EML6: variants seen among roughly 807,000 people sequenced by gnomAD.
The protein encoded by EML6 is EMAP like 6, also known as echinoderm microtubule-associated protein-like 6.
EML6 carries 154 observed loss-of-function variants against 240.1 expected under a neutral mutation model. The observed-to-expected ratio is 0.64, with a 90% CI of 0.56 to 0.73. The LOEUF is 0.73. EML6 is among the 30% of genes least tolerant of loss of function. EML6 has a pLI of 0.00. For missense variants in EML6, 2,964 were observed against 2,474.6 expected, an observed-to-expected ratio of 1.20 and a Z score of -4.20; for synonymous variants, 1,148 against 899.0, an observed-to-expected ratio of 1.28 and a Z score of -4.95.
Position 54,903,135 on chromosome 2 carries a change from T to G in EML6, c.3216T>G (p.Val1072=). ...TCCTGGTGGTAAATGCTGACACTGT[T>G]GAAGACATGGTCTCTTTCCATCACA... The part of the protein sequence containing the change: ...GSFLVVNADT[V]EDMVSFHHRK... Residue 1072 remains valine (V), a synonymous_variant, in exon 23 of 42, where the codon GTT becomes GTG. Transcript: ENST00000356458. 3 of 1,551,866 alleles carry G rather than the reference T, an allele frequency of 1.9e-6. No homozygotes were observed. The highest frequency in any genetic ancestry group is 2.6e-6 in the Non-Finnish European group (3 of 1,146,914).
At chr2:54,948,760 G>A in intron 28 of EML6, 122 bp from the exon 29 acceptor site, 2 of 709,796 alleles carry the variant, frequency 2.8e-6, no homozygotes, top group Non-Finnish European at 4.9e-6. Context: ...AGATCCAAGT[G>A]GAGGGGCCTT....
At chr2:54,846,921 G>GTGTTTTTTTTTTTTTT (rs1558606488) in intron 8 of EML6, among the ~76,000 whole-genome samples, 1 of 81,198 alleles carries the variant, frequency 1.2e-5, no homozygotes, top group Admixed American at 1.7e-4. Context: ...GTATGAAGTA[G>GTGTTTTTTTTTTTTTT]TATTTTTTTT....
chr2:54,853,612 T>C (rs1670211632), intron 10 of EML6, 31 bp from the exon 11 acceptor site: 1 of 1,287,332 alleles, frequency 7.8e-7, no homozygotes, highest in Non-Finnish European at 1.0e-6. Flanking sequence ...ACTTTTTATT[T>C]AAATGTAATG....
chr2:54,949,868 T>C (rs1272358458), intron 29 of EML6, among the ~76,000 whole-genome samples: 1 of 152,216 alleles, frequency 6.6e-6, no homozygotes, highest in Non-Finnish European at 1.5e-5. Context: ...TTCCTTCTGC[T>C]TAGAAGGCTC....
chr2:54,802,744 C>G (rs1049136779), intron 2 of EML6, among the ~76,000 whole-genome samples: 76 of 152,146 alleles, frequency 5.0e-4, no homozygotes, highest in Non-Finnish European at 2.1e-4. Flanking sequence ...CTTATGGCTA[C>G]TATTTGAGTG....
In EML6 at chr2:54,787,944, G is replaced by A. The variant is rs535788792; in HGVS notation, c.198-25288G>A. Reference sequence around the variant, plus strand: ...TAGTTGAAACTTCCCTCACCTGTGCGGTGGTTTCTGCTGTAGCCTGCCTGT... The same window carrying A: ...TAGTTGAAACTTCCCTCACCTGTGCAGTGGTTTCTGCTGTAGCCTGCCTGT... On this transcript the variant is annotated intron_variant, in intron 2 of 41. Coordinates refer to ENST00000356458, the MANE Select transcript of EML6 (RefSeq NM_001039753.4). Among the ~76,000 whole-genome samples, 7 of 152,140 alleles carry A rather than the reference G, an allele frequency of 4.6e-5. No homozygotes were observed. The South Asian group carries it at 6.2e-4, about 14-fold the overall frequency.
At chr2:54,931,249 G>A (rs1393156441) in intron 28 of EML6, among the ~76,000 whole-genome samples, 2 of 152,278 alleles carry the variant, frequency 1.3e-5, no homozygotes, top group African/African-American at 2.4e-5. Flanking sequence ...GAGCCACCGC[G>A]CCCGGCGACC....
At chr2:54,759,833 A>G (rs1667899758) in intron 2 of EML6, among the ~76,000 whole-genome samples, 1 of 151,606 alleles carries the variant, frequency 6.6e-6, no homozygotes, top group Admixed American at 6.6e-5. Context: ...GGACAAAATT[A>G]GATGTAATTA....
intron 2 of EML6, among the ~76,000 whole-genome samples, chr2:54,743,076 T>A (rs1683725863): frequency 6.6e-6 from 1 of 152,242 alleles, no homozygotes; most frequent in African/African-American, 2.4e-5. Context: ...TAAGAAAAGT[T>A]AATAAAAACT....
chr2:54,777,262 G>C (rs1456873471), intron 2 of EML6, among the ~76,000 whole-genome samples: 1 of 152,176 alleles, frequency 6.6e-6, no homozygotes, highest in Non-Finnish European at 1.5e-5. Context: ...AAATTATTTA[G>C]GGTGGGGGTG....
chr2:54,768,664 C>T (rs1159594931), intron 2 of EML6, among the ~76,000 whole-genome samples: 1 of 152,138 alleles, frequency 6.6e-6, no homozygotes, highest in Non-Finnish European at 1.5e-5. Flanking sequence ...ATCTGTTATC[C>T]TCTTTCTGTG....
chr2:54,899,713 G>C lies in EML6; in HGVS notation c.3055G>C (p.Asp1019His). 6.4e-7 allele frequency: 1 copy of C among 1,552,390 alleles called. No homozygotes were observed. The highest frequency in any genetic ancestry group is 1.2e-5 in the South Asian group (1 of 84,104). ...LLPICATVSD[D>H]KTLRIWELSA... ...GCCCATCTGTGCAACAGTGAGCGAT[G>C]ATAAAACACTTCGCATCTGGGAACT... The change falls in exon 22 of 42, where the codon GAT becomes CAT. Residue 1019 changes from aspartate (D) to histidine (H), a missense_variant. Asp to His is a moderately conservative substitution (Grantham distance 81). Coordinates refer to ENST00000356458, the MANE Select transcript of EML6 (RefSeq NM_001039753.4).
intron 34 of EML6, 72 bp downstream of exon 34, chr2:54,959,333 C>T: frequency 7.2e-7 from 1 of 1,398,028 alleles, no homozygotes; most frequent in Non-Finnish European, 9.5e-7. Context: ...AAAGTGTTCC[C>T]AACTTGGAGA....
chr2:54,835,333 G>A (rs1184538916), intron 7 of EML6, among the ~76,000 whole-genome samples: 1 of 152,200 alleles, frequency 6.6e-6, no homozygotes, highest in Non-Finnish European at 1.5e-5. Flanking sequence ...GACGTGCCTA[G>A]TGTGTGCTGG....
chr2:54,798,596 G>T (rs187802267), intron 2 of EML6, among the ~76,000 whole-genome samples: 1 of 152,014 alleles, frequency 6.6e-6, no homozygotes, highest in Non-Finnish European at 1.5e-5. Flanking sequence ...TATTGCTACC[G>T]GTACCTACAA....
chr2:54,799,341 A>G (rs574927337), intron 2 of EML6, among the ~76,000 whole-genome samples: 1 of 151,704 alleles, frequency 6.6e-6, no homozygotes, highest in South Asian at 2.1e-4. Context: ...GATTACAGGC[A>G]TGAGCCACCA....
rs868419896 is a variant in EML6 at position 54,847,761 on chromosome 2, C to G, written c.1187+138C>G. 12 of 779,606 alleles carry G rather than the reference C, an allele frequency of 1.5e-5. 1 individual carries two copies. In the South Asian group the frequency reaches 3.5e-4, roughly 22 times the overall value. 48.3% of individuals were successfully genotyped at this position (779,606 alleles called of 1,614,324 possible). The stretch of plus-strand genomic sequence containing the variant: ...ATAGGAATACTATAGATCTACGATC[C>G]CCTATCTGTAATTCTGAAGTCCTAA... On this transcript the variant is annotated intron_variant, in intron 9 of 41. Transcript: ENST00000356458.
At chr2:54,916,038 G>T (rs1187258318) in intron 25 of EML6, among the ~76,000 whole-genome samples, 2 of 152,166 alleles carry the variant, frequency 1.3e-5, no homozygotes, top group African/African-American at 4.8e-5. Flanking sequence ...AAGAATTTCA[G>T]ACAAAACAGT....
intron 2 of EML6, among the ~76,000 whole-genome samples, chr2:54,781,317 C>T (rs2103851270): frequency 6.6e-6 from 1 of 152,310 alleles, no homozygotes; most frequent in African/African-American, 2.4e-5. Flanking sequence ...CGAGACCCTT[C>T]TGTGGCCAAT....
Sources: allele counts gnomAD v4.1 joint callset (sites outside exome capture counted in the v4.1 genomes callset), GRCh38; gene constraint gnomAD v4.1.1; transcripts MANE v1.5; gene names NCBI Gene and HGNC (gene_info 2026-07-23, HGNC 2026-07-21).